GTF3C2: variants seen among roughly 807,000 people sequenced by gnomAD.
The protein encoded by GTF3C2 is general transcription factor IIIC subunit 2, also known as general transcription factor 3C polypeptide 2.
In GTF3C2, 17 loss-of-function variants were observed where a neutral mutation model predicts 117.4. The observed-to-expected ratio is 0.14, with a 90% CI of 0.10 to 0.22. GTF3C2 has a LOEUF of 0.22. Ranked by LOEUF, GTF3C2 falls within the 10% of genes least tolerant of loss-of-function variation. The pLI, the probability that GTF3C2 is intolerant of heterozygous loss-of-function variation, is 1.00. For missense variants in GTF3C2, 888 were observed against 1,143.6 expected, an observed-to-expected ratio of 0.78 and a Z score of 3.22; for synonymous variants, 437 against 427.0, an observed-to-expected ratio of 1.02 and a Z score of -0.29.
intron 5 of GTF3C2, 62 bp from the exon 6 acceptor site, chr2:27,337,620 A>C: frequency 8.9e-7 from 1 of 1,123,672 alleles, no homozygotes; most frequent in Middle Eastern, 1.9e-4. Flanking sequence ...AGTCCAATAA[A>C]ACTTTCTGTG....
At chr2:27,338,454 A>G (rs919325668) in intron 4 of GTF3C2, among the ~76,000 whole-genome samples, 6 of 56,436 alleles carry the variant, frequency 1.1e-4, no homozygotes, top group Non-Finnish European at 2.3e-4. Context: ...GCGCACGCGC[A>G]CGCGCGCACA....
At chr2:27,348,461 G>A (rs991979555) in intron 1 of GTF3C2, among the ~76,000 whole-genome samples, 4 of 151,712 alleles carry the variant, frequency 2.6e-5, no homozygotes, top group Non-Finnish European at 5.9e-5. Flanking sequence ...CAAAAAAACC[G>A]AAAACATGTA....
At chr2:27,330,461 CAAAA>C (rs918141311) in intron 12 of GTF3C2, among the ~76,000 whole-genome samples, 1 of 142,058 alleles carries the variant, frequency 7.0e-6, no homozygotes, top group Non-Finnish European at 1.5e-5. Flanking sequence ...GACTCCACCT[CAAAA>C]AAAAAGAAAA....
chr2:27,328,705 A>T, intron 15 of GTF3C2, 109 bp from the exon 16 acceptor site: 1 of 1,116,884 alleles, frequency 9.0e-7, no homozygotes, highest in Non-Finnish European at 1.3e-6. Context: ...TGAGTTTACC[A>T]TAACCGACAG....
chr2:27,353,381 CAAA>C (rs534971452), intron 1 of GTF3C2, among the ~76,000 whole-genome samples: 19 of 123,052 alleles, frequency 1.5e-4, no homozygotes, highest in Admixed American at 1.6e-4. Flanking sequence ...GACTCCGTCT[CAAA>C]AAAAAAAAAA....
At chr2:27,343,695 T>C (rs1680824468) in intron 1 of GTF3C2, 117 bp from the exon 2 acceptor site, 2 of 798,444 alleles carry the variant, frequency 2.5e-6, no homozygotes, top group Non-Finnish European at 4.0e-6. Context: ...TCCCTGATTA[T>C]TCACTTATTC....
chr2:27,353,329 G>A (rs1466088137), intron 1 of GTF3C2, among the ~76,000 whole-genome samples: 2 of 148,648 alleles, frequency 1.3e-5, no homozygotes, highest in Non-Finnish European at 3.0e-5. Flanking sequence ...GTTGCAGTGA[G>A]CCAAGATTGC....
At chr2:27,340,158 A>G (rs1010738606) in intron 4 of GTF3C2, 1 of 152,070 alleles carries the variant, frequency 6.6e-6, no homozygotes, top group African/African-American at 2.4e-5. Context: ...CAATTCCCAA[A>G]TACTGTTAAT....
At chr2:27,335,620 G>T in exon 10 of GTF3C2, 1 of 1,552,502 alleles carries the variant, frequency 6.4e-7, no homozygotes, top group Non-Finnish European at 8.7e-7. Flanking sequence ...GAGCCAGCAG[G>T]GCCTCCGGAT....
chr2:27,345,777 G>A (rs1271845142), intron 1 of GTF3C2, among the ~76,000 whole-genome samples: 1 of 148,734 alleles, frequency 6.7e-6, no homozygotes, highest in Non-Finnish European at 1.5e-5. Flanking sequence ...GCAGTGGCGT[G>A]ATGTCGGCTC....
chr2:27,328,740 C>A, intron 15 of GTF3C2, 104 bp downstream of exon 15: 6 of 1,038,302 alleles, frequency 5.8e-6, no homozygotes, highest in Non-Finnish European at 7.4e-6. Flanking sequence ...TTACAACATC[C>A]CTATCTTCTC....
At chr2:27,336,531 C>G in intron 7 of GTF3C2, 106 bp from the exon 8 acceptor site, 1 of 663,536 alleles carries the variant, frequency 1.5e-6, no homozygotes, top group Non-Finnish European at 2.7e-6. Context: ...AAGCAAGAGC[C>G]TGAATATCAA....
chr2:27,337,492 C>A, exon 6 of GTF3C2: 1 of 1,608,832 alleles, frequency 6.2e-7, no homozygotes, highest in Non-Finnish European at 8.5e-7. Context: ...GCTCAGATAA[C>A]AAGTGCCACT....
At chr2:27,332,677 G>A (rs1680318917) in intron 12 of GTF3C2, among the ~76,000 whole-genome samples, 1 of 152,008 alleles carries the variant, frequency 6.6e-6, no homozygotes, top group South Asian at 2.1e-4. Context: ...GCCTCCCAGA[G>A]TGCTGGGATT....
chr2:27,343,730 A>G (rs1011135281), intron 1 of GTF3C2, 152 bp from the exon 2 acceptor site: 48 of 637,012 alleles, frequency 7.5e-5, no homozygotes, highest in South Asian at 3.1e-4. Flanking sequence ...AGCACCTTCT[A>G]TATGTCAGGA....
At chr2:27,338,406 CCA>C (rs1226643089) in intron 4 of GTF3C2, 5 of 248,566 alleles carry the variant, frequency 2.0e-5, no homozygotes, top group Admixed American at 1.0e-4. Context: ...ATGGTATTCC[CCA>C]GAGTTCCTGT....
At chr2:27,337,364 A>C (rs1359589891) in intron 6 of GTF3C2, 22 bp from the exon 7 acceptor site, 4 of 1,557,698 alleles carry the variant, frequency 2.6e-6, no homozygotes, top group Non-Finnish European at 3.5e-6. Flanking sequence ...CAAAGGGAAC[A>C]GTCTAAATTT....
chr2:27,330,304 C>T (rs1374695977), intron 12 of GTF3C2, among the ~76,000 whole-genome samples: 1 of 149,370 alleles, frequency 6.7e-6, no homozygotes, highest in African/African-American at 2.5e-5. Flanking sequence ...ACTAAAAATA[C>T]AAAAAAAAAT....
At chr2:27,337,457 TAC>T in intron 6 of GTF3C2, 22 bp downstream of exon 6, 1 of 1,557,368 alleles carries the variant, frequency 6.4e-7, no homozygotes, top group South Asian at 1.1e-5. Flanking sequence ...CTTCCTAAGC[TAC>T]AGAGATGTTG....
Sources: allele counts gnomAD v4.1 joint callset (sites outside exome capture counted in the v4.1 genomes callset), GRCh38; gene constraint gnomAD v4.1.1; transcripts MANE v1.5; gene names NCBI Gene and HGNC (gene_info 2026-07-23, HGNC 2026-07-21).